The following ADGRL3 variants were observed in gnomAD, a reference collection of about 807,000 sequenced individuals.
ADGRL3 encodes adhesion G protein-coupled receptor L3.
Under a neutral mutation model 153.5 loss-of-function variants are expected in ADGRL3, and 62 were observed. That is an observed-to-expected ratio of 0.40 (90% CI 0.33 to 0.50). The LOEUF is 0.50. Ranked by LOEUF, ADGRL3 falls within the 20% of genes least tolerant of loss-of-function variation. The probability of loss-of-function intolerance (pLI) is 0.47; values close to 1 mark genes in which losing one functional copy is unlikely to be tolerated. For synonymous variants in ADGRL3, 710 were observed against 672.5 expected (o/e 1.06, Z -0.86); for missense variants, 1,641 against 1,859.4 (o/e 0.88, Z 2.16).
intron 9 of ADGRL3, among the ~76,000 whole-genome samples, chr4:61,847,607 TATATTATATATATAATATAAA>T: frequency 3.2e-5 from 2 of 62,460 alleles, no homozygotes; most frequent in East Asian, 1.1e-3. Context: ...TAATATATAA[TATATTATATATATAATATAAA>T]ATATATTATA....
chr4:61,720,674 G>A (rs767718987), intron 6 of ADGRL3, among the ~76,000 whole-genome samples: 1 of 152,162 alleles, frequency 6.6e-6, no homozygotes, highest in Non-Finnish European at 1.5e-5. Flanking sequence ...GCCTGGCATT[G>A]TATCTTGAAT....
chr4:61,707,140 A>G (rs1270297167), intron 6 of ADGRL3, among the ~76,000 whole-genome samples: 2 of 152,194 alleles, frequency 1.3e-5, no homozygotes, highest in African/African-American at 4.8e-5. Flanking sequence ...ACAAGCGTTT[A>G]TTAAGTTCAC....
At chr4:61,782,331 T>C (rs748071724) in intron 8 of ADGRL3, among the ~76,000 whole-genome samples, 2 of 152,184 alleles carry the variant, frequency 1.3e-5, no homozygotes, top group Admixed American at 6.5e-5. Flanking sequence ...GTATCATTGT[T>C]TGTATTACAT....
rs1359630829 is a variant in ADGRL3 at position 61,971,412 on chromosome 4, G to GT, written c.2806-8145dup. 2.1e-4 allele frequency among the ~76,000 whole-genome samples: 32 copies of GT among 152,130 alleles called. No homozygotes were observed. In the East Asian group the frequency reaches 4.8e-3, roughly 23 times the overall value. ...TATGAGTGAGAACATGTGGTGTTTG[G>GT]TTTTTTGTCCTTGCAGTAGTTTACT... On this transcript the variant is annotated intron_variant, in intron 17 of 26. Coordinates refer to ENST00000683033, the MANE Select transcript of ADGRL3 (RefSeq NM_001387552.1).
intron 1 of ADGRL3, among the ~76,000 whole-genome samples, chr4:61,337,503 T>G (rs888939251): frequency 5.3e-5 from 8 of 152,160 alleles, no homozygotes; most frequent in African/African-American, 1.7e-4. Context: ...TTTCCTGCCC[T>G]TCTCAGGGGT....
intron 8 of ADGRL3, among the ~76,000 whole-genome samples, chr4:61,752,139 A>G (rs2096764928): frequency 6.6e-6 from 1 of 152,176 alleles, no homozygotes. Context: ...GAAGAAAAGT[A>G]TTTTGTTCCT....
chr4:61,330,673 A>G (rs1308516094), intron 1 of ADGRL3, among the ~76,000 whole-genome samples: 5 of 152,256 alleles, frequency 3.3e-5, no homozygotes, highest in African/African-American at 1.2e-4. Flanking sequence ...CCAAAGAGTG[A>G]GCAGCAGCCA....
intron 5 of ADGRL3, among the ~76,000 whole-genome samples, chr4:61,633,211 A>T (rs966753857): frequency 1.9e-4 from 26 of 135,500 alleles, no homozygotes. Flanking sequence ...AACTTGATAA[A>T]ACTGTACCTG....
At chr4:62,009,004 A>G (rs2099171445) in intron 21 of ADGRL3, among the ~76,000 whole-genome samples, 1 of 152,184 alleles carries the variant, frequency 6.6e-6, no homozygotes, top group Non-Finnish European at 1.5e-5. Context: ...CCTAAGAACA[A>G]TAAGCTTTAC....
intron 8 of ADGRL3, among the ~76,000 whole-genome samples, chr4:61,797,068 C>T (rs2097423926): frequency 6.6e-6 from 1 of 152,108 alleles, no homozygotes; most frequent in African/African-American, 2.4e-5. Context: ...CCCTTTACTT[C>T]TCCAAAGAAC....
intron 1 of ADGRL3, among the ~76,000 whole-genome samples, chr4:61,373,268 A>G (rs764149635): frequency 2.6e-5 from 4 of 152,280 alleles, no homozygotes; most frequent in African/African-American, 4.8e-5. Flanking sequence ...CGCTTTTTCT[A>G]AAATATCTAG....
chr4:61,760,747 C>T (rs1181924100), intron 8 of ADGRL3, among the ~76,000 whole-genome samples: 1 of 152,230 alleles, frequency 6.6e-6, no homozygotes, highest in East Asian at 1.9e-4. Context: ...TTCTGGGTCG[C>T]TCATGCTGGG....
chr4:61,453,591 A>C (rs903529104), intron 2 of ADGRL3, among the ~76,000 whole-genome samples: 1 of 152,048 alleles, frequency 6.6e-6, no homozygotes, highest in Non-Finnish European at 1.5e-5. Flanking sequence ...GATTAAATAT[A>C]TTGCTTTCCC....
intron 8 of ADGRL3, among the ~76,000 whole-genome samples, chr4:61,748,031 T>C (rs1422807293): frequency 6.6e-6 from 1 of 151,696 alleles, no homozygotes; most frequent in Non-Finnish European, 1.5e-5. Context: ...AAAATCAATG[T>C]ACAAAAATCA....
chr4:61,710,102 C>A (rs1204445891), intron 6 of ADGRL3, among the ~76,000 whole-genome samples: 3 of 152,134 alleles, frequency 2.0e-5, no homozygotes, highest in Admixed American at 6.5e-5. Flanking sequence ...GAAATGAGTT[C>A]TTCATCTTAT....
rs545261704 is a variant in ADGRL3, at chr4:61,861,886, A to G, written c.1481-30770A>G. Among the ~76,000 whole-genome samples, 4 of 152,236 alleles carry G rather than the reference A, an allele frequency of 2.6e-5. No homozygotes were observed. In the South Asian group the frequency reaches 6.2e-4, roughly 24 times the overall value. ...TGGAACTGACAAGCGGAACACCTGC[A>G]TGTGGCTTTTCCACGTAGGATTGAC... On this transcript the variant is annotated intron_variant, in intron 9 of 26. Coordinates refer to ENST00000683033, the MANE Select transcript of ADGRL3 (RefSeq NM_001387552.1).
At chr4:61,794,375 T>TA (rs1376697314) in intron 8 of ADGRL3, among the ~76,000 whole-genome samples, 1 of 152,196 alleles carries the variant, frequency 6.6e-6, no homozygotes, top group Non-Finnish European at 1.5e-5. Context: ...TGTAGTAGCT[T>TA]ATGCTTTTGT....
rs547718929 is a variant in ADGRL3 at position 61,382,069 on chromosome 4, G to C, written c.-239-1055G>C. Among the ~76,000 whole-genome samples the C allele has an allele frequency of 1.8e-3, 268 of 151,866 alleles. 1 individual carries two copies. Among genetic ancestry groups the C allele is most frequent in the Non-Finnish European group, 2.6e-3 (176 of 67,868 alleles). ...ATAGTATATCTTATTTTAATCAATA[G>C]TGATTTGGTAAAGTAGAGCTCAACT... On this transcript the variant is annotated intron_variant, in intron 1 of 26. Transcript: ENST00000683033.
chr4:61,979,754 C>G lies in ADGRL3; in HGVS notation c.2997C>G (p.Ile999Met). ...FVAELLFLIG[I>M]NRTDQPIACA... ...CAGAGCTGCTCTTCCTGATTGGGAT[C>G]AACCGAACTGACCAACCAGTAAGCA... Residue 999 changes from isoleucine (I) to methionine (M), a missense_variant, in exon 18 of 27, where the codon ATC (isoleucine) becomes ATG (methionine). Physicochemically the swap from Ile to Met is conservative, Grantham distance 10. Transcript: ENST00000683033. The G allele has an allele frequency of 6.2e-7, 1 of 1,613,856 alleles. No homozygotes were observed. The highest frequency in any genetic ancestry group is 8.5e-7 in the Non-Finnish European group (1 of 1,179,812).
Sources: allele counts gnomAD v4.1 joint callset (sites outside exome capture counted in the v4.1 genomes callset), GRCh38; gene constraint gnomAD v4.1.1; transcripts MANE v1.5; gene names NCBI Gene and HGNC (gene_info 2026-07-23, HGNC 2026-07-21).